GLIS3: variants seen among roughly 807,000 people sequenced by gnomAD.
GLIS3 encodes zinc finger protein GLIS3.
In GLIS3, 53 loss-of-function variants were observed where a neutral mutation model predicts 78.6. The ratio of observed to expected loss-of-function variants is 0.67; its 90% CI spans 0.54 to 0.85. GLIS3 has a LOEUF of 0.85. Among genes scored for constraint, GLIS3 ranks in the 40% least tolerant of loss-of-function variants. The probability of loss-of-function intolerance (pLI) is 0.00; values close to 1 mark genes in which losing one functional copy is unlikely to be tolerated. For missense variants in GLIS3, 1,703 were observed against 1,231.1 expected, an observed-to-expected ratio of 1.38 and a Z score of -5.74; for synonymous variants, 684 against 509.9, an observed-to-expected ratio of 1.34 and a Z score of -4.60.
chr9:3,845,223 A>G (rs150454086), intron 9 of GLIS3, among the ~76,000 whole-genome samples: 21 of 152,354 alleles, frequency 1.4e-4, no homozygotes, highest in African/African-American at 4.8e-4. Context: ...TGAGAGCTGT[A>G]CAATTAAGAA....
rs1250066749 is a variant in GLIS3 at position 3,898,770 on chromosome 9, C to T, written c.2049G>A (p.Gln683=). The change falls in exon 7 of 11, where the codon CAG becomes CAA. Residue 683 remains glutamine (Q), a synonymous_variant. Coordinates refer to ENST00000381971, the MANE Select transcript of GLIS3 (RefSeq NM_001042413.2). ...CAGCATCTCTAGGGGAAGTGGCCGG[C>T]TGCAGGGACTGCACGGTGAGGCAAT... The part of the protein sequence containing the change: ...LTDCLTVQSL[Q]PATSPRDAAA... 1.2e-6 allele frequency: 2 copies of T among 1,614,214 alleles called. No individual in the cohort carries two copies. Among genetic ancestry groups the T allele is most frequent in the South Asian group, 1.1e-5 (1 of 91,082 alleles).
chr9:4,450,858 A>G, the GLIS3 span, among the ~76,000 whole-genome samples: 1 of 152,202 alleles, frequency 6.6e-6, no homozygotes, highest in Non-Finnish European at 1.5e-5. Flanking sequence ...AGCACTAAAC[A>G]TGGAAACAAA....
the GLIS3 span, among the ~76,000 whole-genome samples, chr9:4,432,156 A>G: frequency 6.6e-6 from 1 of 152,308 alleles, no homozygotes; most frequent in East Asian, 1.9e-4. Flanking sequence ...ATCCCCATAT[A>G]ATTTCATGAT....
chr9:3,937,881 T>C (rs909650138), intron 4 of GLIS3, among the ~76,000 whole-genome samples: 1 of 152,194 alleles, frequency 6.6e-6, no homozygotes, highest in Non-Finnish European at 1.5e-5. Flanking sequence ...TACTTTAATC[T>C]TTTTTTACTT....
At chr9:3,967,161 T>G (rs1006231878) in intron 4 of GLIS3, among the ~76,000 whole-genome samples, 7 of 152,208 alleles carry the variant, frequency 4.6e-5, no homozygotes, top group Non-Finnish European at 8.8e-5. Flanking sequence ...CAATTCATTT[T>G]CAGTTACTGT....
intron 4 of GLIS3, among the ~76,000 whole-genome samples, chr9:4,106,600 TTGAG>T (rs1324964621): frequency 2.0e-5 from 3 of 152,226 alleles, no homozygotes; most frequent in Admixed American, 6.5e-5. Flanking sequence ...CATTTTTTCC[TTGAG>T]TGTGTGCCAG....
chr9:3,890,085 C>T (rs886573549), intron 7 of GLIS3, among the ~76,000 whole-genome samples: 14 of 152,190 alleles, frequency 9.2e-5, no homozygotes, highest in African/African-American at 2.9e-4. Flanking sequence ...ACCAGGGCTA[C>T]ATCCCAGCAA....
chr9:3,932,293 G>T (rs1825670286), intron 6 of GLIS3, 67 bp downstream of exon 6: 2 of 1,237,078 alleles, frequency 1.6e-6, no homozygotes, highest in Admixed American at 1.7e-5. Flanking sequence ...CCCTGCAGAA[G>T]CTTCGTGTAC....
intron 4 of GLIS3, among the ~76,000 whole-genome samples, chr9:4,084,455 C>T (rs564258858): frequency 5.3e-5 from 8 of 152,130 alleles, no homozygotes; most frequent in South Asian, 2.1e-4. Context: ...CCAGCAGGTT[C>T]GCGTGGTGGA....
chr9:4,472,132 A>T, the GLIS3 span, among the ~76,000 whole-genome samples: 1 of 152,226 alleles, frequency 6.6e-6, no homozygotes, highest in Non-Finnish European at 1.5e-5. Context: ...GATGTGGAGA[A>T]ATAGGAATGC....
chr9:4,288,809 T>C (rs1486122125), intron 1 of GLIS3, among the ~76,000 whole-genome samples: 1 of 152,110 alleles, frequency 6.6e-6, no homozygotes, highest in Non-Finnish European at 1.5e-5. Context: ...AAGTGATTAA[T>C]ACCATAACGA....
At chr9:4,008,073 G>C (rs1206245195) in intron 4 of GLIS3, among the ~76,000 whole-genome samples, 1 of 152,124 alleles carries the variant, frequency 6.6e-6, no homozygotes, top group African/African-American at 2.4e-5. Context: ...CAGTTTCTTA[G>C]ATTCTATCTA....
Position 4,286,255 on chromosome 9 carries a change from G to A in GLIS3, c.171C>T (p.Asn57=), listed in dbSNP as rs117802495. The change falls in exon 2 of 11, where the codon AAC becomes AAT. Residue 57 remains asparagine, a synonymous_variant. Coordinates refer to ENST00000381971, the MANE Select transcript of GLIS3 (RefSeq NM_001042413.2). Reference sequence around the variant, plus strand: ...CTCCTGAGGGCATCTTGAGATGGAGGTTGTTAGCAAGGCTTGCCATAGTGG... The same window carrying A: ...CTCCTGAGGGCATCTTGAGATGGAGATTGTTAGCAAGGCTTGCCATAGTGG... ...SSPTMASLAN[N]LHLKMPSGGG... is the part of the protein sequence containing the mutation. 0.012 allele frequency: 18,782 copies of A among 1,614,230 alleles called. 156 individuals carry two copies. Among genetic ancestry groups the A allele is most frequent in the Non-Finnish European group, 0.014 (16,022 of 1,180,038 alleles).
intron 2 of GLIS3, among the ~76,000 whole-genome samples, chr9:4,268,289 G>T (rs1826199727): frequency 6.6e-6 from 1 of 152,090 alleles, no homozygotes; most frequent in South Asian, 2.1e-4. Context: ...CAGCTTAAAT[G>T]AGATAATCTC....
the GLIS3 span, among the ~76,000 whole-genome samples, chr9:4,382,097 C>A: frequency 1.3e-5 from 2 of 152,146 alleles, no homozygotes; most frequent in Admixed American, 1.3e-4. Flanking sequence ...CTTTTTGCTT[C>A]TTTAGCTCCC....
At chr9:4,367,434 G>A in the GLIS3 span, among the ~76,000 whole-genome samples, 3 of 151,812 alleles carry the variant, frequency 2.0e-5, no homozygotes, top group African/African-American at 7.3e-5. Context: ...CCTAAACTAG[G>A]TCTTCCTGCT....
chr9:4,098,561 C>A (rs1830134115), intron 4 of GLIS3, among the ~76,000 whole-genome samples: 1 of 152,142 alleles, frequency 6.6e-6, no homozygotes, highest in Non-Finnish European at 1.5e-5. Context: ...GGAACTAAGG[C>A]CTCTGCAGCA....
intron 6 of GLIS3, among the ~76,000 whole-genome samples, chr9:3,906,655 C>G (rs780321024): frequency 2.0e-5 from 3 of 152,170 alleles, no homozygotes; most frequent in Non-Finnish European, 4.4e-5. Flanking sequence ...AATACCAACT[C>G]CTTGCTGCAT....
intron 4 of GLIS3, among the ~76,000 whole-genome samples, chr9:4,027,702 T>C (rs1823462138): frequency 1.3e-5 from 2 of 152,200 alleles, no homozygotes; most frequent in African/African-American, 2.4e-5. Context: ...ATTTCAGCAA[T>C]CACATTTGAC....
Sources: allele counts gnomAD v4.1 joint callset (sites outside exome capture counted in the v4.1 genomes callset), GRCh38; gene constraint gnomAD v4.1.1; transcripts MANE v1.5; gene names NCBI Gene and HGNC (gene_info 2026-07-23, HGNC 2026-07-21).